L3HYPDH: variants seen among roughly 807,000 people sequenced by gnomAD.
L3HYPDH encodes trans-3-hydroxy-L-proline dehydratase.
L3HYPDH carries 32 observed loss-of-function variants against 26.5 expected under a neutral mutation model. That is an observed-to-expected ratio of 1.21 (90% CI 0.91 to 1.62). The LOEUF (loss-of-function observed/expected upper bound fraction) is 1.62. Ranked by LOEUF, L3HYPDH falls within the 40% of genes most tolerant of loss-of-function variation. L3HYPDH has a pLI of 0.00. For missense variants in L3HYPDH, 554 were observed against 476.4 expected (o/e 1.16, Z -1.52); for synonymous variants, 215 against 196.6 (o/e 1.09, Z -0.78).
At chr14:59,498,909 G>A in the L3HYPDH span, 1 of 1,563,828 alleles carries the variant, frequency 6.4e-7, no homozygotes, top group Non-Finnish European at 8.7e-7. Flanking sequence ...GGCCTTTTAT[G>A]TAAGTTTGAT....
chr14:59,476,136 T>C lies in L3HYPDH; in HGVS notation c.757A>G (p.Thr253Ala), dbSNP rs879674967. Residue 253 changes from threonine (T) to alanine (A), a missense_variant, in exon 3 of 5, where the codon ACC becomes GCC. Physicochemically the swap from Thr to Ala is moderately conservative, Grantham distance 58. Coordinates refer to ENST00000247194, the MANE Select transcript of L3HYPDH (RefSeq NM_144581.2). ...CAAATGTTGGTGGTTGGTTCCTTGG[T>C]ATAAGCATCTTTTCCATCTGTTAAT... Reference protein sequence around the residue: ...TILTDGKDAYTKEPTTNICVF... With the variant: ...TILTDGKDAYAKEPTTNICVF... The C allele has an allele frequency of 1.9e-5, 30 of 1,613,908 alleles. No individual in the cohort carries two copies. The highest frequency in any genetic ancestry group is 2.3e-5 in the Non-Finnish European group (27 of 1,179,906).
chr14:59,475,731 T>C, intron 4 of L3HYPDH, 138 bp downstream of exon 4: 1 of 941,520 alleles, frequency 1.1e-6, no homozygotes. Flanking sequence ...ATGTCCTAGT[T>C]GAAAAGAAGT....
the L3HYPDH span, chr14:59,495,171 A>C: frequency 6.2e-7 from 1 of 1,613,688 alleles, no homozygotes; most frequent in Non-Finnish European, 8.5e-7. Flanking sequence ...TTTACAACCC[A>C]AGTCCAGATT....
chr14:59,489,489 C>T, the L3HYPDH span, among the ~76,000 whole-genome samples: 14 of 152,340 alleles, frequency 9.2e-5, no homozygotes, highest in African/African-American at 3.4e-4. Context: ...TTTCTGTCAG[C>T]ATTTTGGTCA....
intron 2 of L3HYPDH, chr14:59,478,687 GC>G (rs1466641310): frequency 6.6e-6 from 1 of 152,466 alleles, no homozygotes; most frequent in Non-Finnish European, 1.5e-5. Context: ...ACCCTACAAA[GC>G]AGGTATTTTT....
At chr14:59,481,355 C>A (rs1227483908) in intron 1 of L3HYPDH, among the ~76,000 whole-genome samples, 2 of 152,184 alleles carry the variant, frequency 1.3e-5, no homozygotes, top group African/African-American at 4.8e-5. Context: ...GCCTTAATTA[C>A]TACAGCCCTG....
the L3HYPDH span, chr14:59,494,871 C>A: frequency 1.6e-6 from 1 of 618,204 alleles, no homozygotes. Context: ...GTTATTTATC[C>A]CTTTTGAGAA....
the L3HYPDH span, among the ~76,000 whole-genome samples, chr14:59,493,952 G>A: frequency 2.0e-5 from 3 of 152,260 alleles, no homozygotes; most frequent in South Asian, 4.1e-4. Flanking sequence ...GGAAGGTAGG[G>A]GTGGGAAGGA....
intron 1 of L3HYPDH, chr14:59,483,395 TTAAG>T (rs1165434207): frequency 1.2e-5 from 6 of 491,316 alleles, no homozygotes; most frequent in African/African-American, 2.1e-5. Context: ...TAGTAACTTA[TTAAG>T]TGTGATTCTG....
At chr14:59,481,043 G>A (rs368827747) in intron 1 of L3HYPDH, among the ~76,000 whole-genome samples, 17 of 152,252 alleles carry the variant, frequency 1.1e-4, no homozygotes, top group African/African-American at 4.1e-4. Flanking sequence ...AGCTGGTTCA[G>A]GAGAAGTCAT....
chr14:59,499,243 A>T, the L3HYPDH span, among the ~76,000 whole-genome samples: 1 of 151,298 alleles, frequency 6.6e-6, no homozygotes, highest in Non-Finnish European at 1.5e-5. Context: ...GGCCACATTG[A>T]TCTCGATCTC....
chr14:59,487,950 C>T (rs1890706620), upstream of L3HYPDH: 3 of 927,600 alleles, frequency 3.2e-6, no homozygotes, highest in Non-Finnish European at 5.0e-6. Flanking sequence ...TTTTCTTTAT[C>T]TTCAGATTAT....
the L3HYPDH span, among the ~76,000 whole-genome samples, chr14:59,502,496 G>C: frequency 2.0e-5 from 3 of 152,172 alleles, no homozygotes; most frequent in East Asian, 5.8e-4. Flanking sequence ...GAGAGTGAGT[G>C]GGGGAAAACA....
chr14:59,480,042 G>C (rs1889904147), intron 1 of L3HYPDH, among the ~76,000 whole-genome samples: 1 of 152,196 alleles, frequency 6.6e-6, no homozygotes. Context: ...GGGGCTGGGT[G>C]ATGTTTATTT....
chr14:59,475,767 C>G, intron 4 of L3HYPDH, 102 bp downstream of exon 4: 1 of 1,205,124 alleles, frequency 8.3e-7, no homozygotes, highest in East Asian at 2.4e-5. Context: ...TTAAAATTCT[C>G]TTCTGAGAGC....
chr14:59,498,676 A>G, the L3HYPDH span: 2 of 1,029,632 alleles, frequency 1.9e-6, no homozygotes, highest in Non-Finnish European at 2.8e-6. Flanking sequence ...CAAGATTAAA[A>G]ACATTTTTAA....
the L3HYPDH span, among the ~76,000 whole-genome samples, chr14:59,503,575 G>A: frequency 6.6e-6 from 1 of 152,122 alleles, no homozygotes; most frequent in Non-Finnish European, 1.5e-5. Flanking sequence ...GTGTTTCCAG[G>A]AGTGAATGAT....
Position 59,473,158 on chromosome 14 carries a change from T to C in L3HYPDH, c.940-68A>G, listed in dbSNP as rs934370091. 4 of 1,411,136 alleles carry C rather than the reference T, an allele frequency of 2.8e-6. No individual in the cohort carries two copies. The Admixed American group carries it at 7.2e-5, about 25-fold the overall frequency. The allele number at this position is 1,411,136 out of a possible 1,614,324, so 87.4% of individuals were successfully genotyped here. A position where few individuals can be genotyped will look rare whatever the true frequency, so the allele number is the denominator to read the frequency against. On this transcript the variant is annotated intron_variant, in intron 4 of 4. Coordinates refer to ENST00000247194, the MANE Select transcript of L3HYPDH (RefSeq NM_144581.2). The stretch of plus-strand genomic sequence containing the variant: ...CGTATTATATCTGGCTTGAAAACTG[T>C]ACTCTTGACTTTTATCATGTGAAGG...
the L3HYPDH span, chr14:59,498,942 T>C: frequency 3.0e-6 from 4 of 1,314,492 alleles, no homozygotes; most frequent in Non-Finnish European, 4.2e-6. Flanking sequence ...TGAAATATAT[T>C]TATTATTGTA....
Sources: allele counts gnomAD v4.1 joint callset (sites outside exome capture counted in the v4.1 genomes callset), GRCh38; gene constraint gnomAD v4.1.1; transcripts MANE v1.5; gene names NCBI Gene and HGNC (gene_info 2026-07-23, HGNC 2026-07-21).